The following ATXN1 variants were observed in gnomAD, a reference collection of about 807,000 sequenced individuals.
ATXN1 encodes the protein ataxin-1.
In ATXN1, 8 loss-of-function variants were observed where a neutral mutation model predicts 56.4. The observed-to-expected ratio is 0.14, with a 90% CI of 0.08 to 0.26. The LOEUF is 0.26. Ranked by LOEUF, ATXN1 falls within the 10% of genes least tolerant of loss-of-function variation. The probability of loss-of-function intolerance (pLI) is 1.00; values close to 1 mark genes in which losing one functional copy is unlikely to be tolerated. For synonymous variants in ATXN1, 514 were observed against 494.6 expected (o/e 1.04, Z -0.52); for missense variants, 987 against 1,106.5 (o/e 0.89, Z 1.53).
chr6:16,617,939 G>A (rs193105246), intron 3 of ATXN1, among the ~76,000 whole-genome samples: 57 of 151,304 alleles, frequency 3.8e-4, no homozygotes, highest in Admixed American at 3.2e-3. Flanking sequence ...GTCTAAGATC[G>A]CACATCAAAA....
intron 5 of ATXN1, among the ~76,000 whole-genome samples, chr6:16,515,618 T>C (rs1761167315): frequency 6.6e-6 from 1 of 152,182 alleles, no homozygotes. Flanking sequence ...AGTCTCCCCC[T>C]TTCTCTCTAT....
chr6:16,395,446 A>C (rs1427484104), intron 6 of ATXN1, among the ~76,000 whole-genome samples: 4 of 152,146 alleles, frequency 2.6e-5, no homozygotes, highest in Non-Finnish European at 5.9e-5. Context: ...CATATGTGAC[A>C]GCGGTCACAT....
At chr6:16,512,037 GGGTTCAATTACCA>G (rs1761092568) in intron 5 of ATXN1, among the ~76,000 whole-genome samples, 1 of 152,148 alleles carries the variant, frequency 6.6e-6, no homozygotes, top group Non-Finnish European at 1.5e-5. Flanking sequence ...ACATACTCAT[GGGTTCAATTACCA>G]GGCAGGATGC....
At chr6:16,429,956 C>T (rs2113579658) in intron 6 of ATXN1, among the ~76,000 whole-genome samples, 1 of 152,260 alleles carries the variant, frequency 6.6e-6, no homozygotes, top group Non-Finnish European at 1.5e-5. Context: ...TTTTTAAGTA[C>T]ACGTGCCTGA....
In ATXN1 at chr6:16,760,966, C is replaced by G. The variant is rs535307008; in HGVS notation, c.-730+332G>C. On this transcript the variant is annotated intron_variant, in intron 1 of 7. Coordinates refer to ENST00000436367, the MANE Select transcript of ATXN1 (RefSeq NM_001128164.2). This position sits in a 1 kb window ranked among gnomAD's most constrained non-coding sequence, Gnocchi z 5.3. ...CGCGCCCCCTAGCCCGGCGGGCGCCCACCCAGCCCCTGACAGCCCCCCCGC... is the reference window on the plus strand; with the variant it reads ...CGCGCCCCCTAGCCCGGCGGGCGCCGACCCAGCCCCTGACAGCCCCCCCGC... 6.7e-6 allele frequency among the ~76,000 whole-genome samples: 1 copy of G among 149,034 alleles called. No individual in the cohort carries two copies. Among genetic ancestry groups the G allele is most frequent in the Non-Finnish European group, 1.5e-5 (1 of 66,852 alleles).
Position 16,308,337 on chromosome 6 carries a change from C to CAG in ATXN1, c.1918-1479_1918-1478insCT, listed in dbSNP as rs1426461459. Reference sequence around the variant, plus strand: ...TGAAACTCCGTCACACACACACACACACACACACACACACACACACACACA... The same window carrying CAG: ...TGAAACTCCGTCACACACACACACACAGACACACACACACACACACACACACA... On this transcript the variant is annotated intron_variant, in intron 7 of 7. Coordinates refer to ENST00000436367, the MANE Select transcript of ATXN1 (RefSeq NM_001128164.2). Among the ~76,000 whole-genome samples, 4 of 140,096 alleles carry CAG rather than the reference C, an allele frequency of 2.9e-5. 1 individual carries two copies. The East Asian group carries it at 7.8e-4, about 27-fold the overall frequency. The allele number at this position is 140,096 out of a possible 152,430, so 91.9% of individuals were successfully genotyped here. A position where few individuals can be genotyped will look rare whatever the true frequency, so the allele number is the denominator to read the frequency against.
At chr6:16,693,395 G>A (rs1231556979) in intron 2 of ATXN1, among the ~76,000 whole-genome samples, 2 of 152,202 alleles carry the variant, frequency 1.3e-5, no homozygotes, top group Admixed American at 1.3e-4. Context: ...AGCAATGGAA[G>A]ACAAGGTATG....
At chr6:16,593,803 T>C (rs900115570) in intron 3 of ATXN1, among the ~76,000 whole-genome samples, 1 of 151,178 alleles carries the variant, frequency 6.6e-6, no homozygotes, top group East Asian at 1.9e-4. Flanking sequence ...AATATTCCAT[T>C]CTGTGAAGCA....
chr6:16,364,715 A>ATT (rs1484587930), intron 6 of ATXN1, among the ~76,000 whole-genome samples: 1 of 152,222 alleles, frequency 6.6e-6, no homozygotes, highest in Non-Finnish European at 1.5e-5. Flanking sequence ...AAAGCCATAG[A>ATT]AATAAGCCTG....
intron 2 of ATXN1, among the ~76,000 whole-genome samples, chr6:16,661,661 G>C (rs1280340945): frequency 6.6e-6 from 1 of 151,798 alleles, no homozygotes; most frequent in Non-Finnish European, 1.5e-5. Context: ...TTCCAAGACT[G>C]GGTTACATGA....
Position 16,442,649 on chromosome 6 carries a change from C to T in ATXN1, c.-161+43323G>A, listed in dbSNP as rs143732790. ...TTTCAAAATCACTCAGAGTTGGAAACCAATAAACAACAGCTAAGAAAAGTT... is the reference window on the plus strand; with the variant it reads ...TTTCAAAATCACTCAGAGTTGGAAATCAATAAACAACAGCTAAGAAAAGTT... On this transcript the variant is annotated intron_variant, in intron 6 of 7. Coordinates refer to ENST00000436367, the MANE Select transcript of ATXN1 (RefSeq NM_001128164.2). Among the ~76,000 whole-genome samples the T allele has an allele frequency of 4.7e-3, 708 of 152,192 alleles. 5 individuals carry two copies. Among genetic ancestry groups the T allele is most frequent in the African/African-American group, 0.015 (610 of 41,520 alleles).
At chr6:16,597,354 C>T (rs539351915) in intron 3 of ATXN1, among the ~76,000 whole-genome samples, 1 of 152,324 alleles carries the variant, frequency 6.6e-6, no homozygotes, top group East Asian at 1.9e-4. Flanking sequence ...CAGAAATGCC[C>T]ATCCAGGAAA....
chr6:16,428,945 A>G (rs537601629), intron 6 of ATXN1, among the ~76,000 whole-genome samples: 6 of 151,966 alleles, frequency 3.9e-5, no homozygotes, highest in Non-Finnish European at 8.8e-5. Context: ...GCTGGGTCAG[A>G]TGGAGGGAAA....
chr6:16,502,033 G>T (rs1253774622), intron 5 of ATXN1, among the ~76,000 whole-genome samples: 1 of 152,192 alleles, frequency 6.6e-6, no homozygotes, highest in African/African-American at 2.4e-5. Flanking sequence ...CTGCAAAGGA[G>T]TAAGGATTTG....
intron 2 of ATXN1, among the ~76,000 whole-genome samples, chr6:16,701,525 G>C (rs1407492667): frequency 1.3e-5 from 2 of 152,174 alleles, no homozygotes; most frequent in African/African-American, 4.8e-5. Flanking sequence ...TATTCAATTA[G>C]GAAAAGAGGA....
intron 4 of ATXN1, among the ~76,000 whole-genome samples, chr6:16,528,642 T>G (rs1761439757): frequency 1.3e-5 from 2 of 152,218 alleles, no homozygotes; most frequent in South Asian, 2.1e-4. Flanking sequence ...AGTGGCTAAT[T>G]TGTATGGACA....
intron 4 of ATXN1, among the ~76,000 whole-genome samples, chr6:16,570,505 G>C (rs1031331289): frequency 1.3e-5 from 2 of 152,044 alleles, no homozygotes. Flanking sequence ...CGTAGATTAG[G>C]GTCACAGAAA....
At chr6:16,757,355 T>G (rs958971268) in intron 1 of ATXN1, among the ~76,000 whole-genome samples, 2 of 152,248 alleles carry the variant, frequency 1.3e-5, no homozygotes, top group African/African-American at 4.8e-5. Flanking sequence ...AAAATATATG[T>G]TCACATTTTA....
chr6:16,732,292 C>T (rs1056993355), intron 2 of ATXN1, among the ~76,000 whole-genome samples: 1 of 152,048 alleles, frequency 6.6e-6, no homozygotes, highest in African/African-American at 2.4e-5. Context: ...TCACTCCGGC[C>T]GGGTGTGGTG....
Sources: gnomAD v4.1 joint callset for allele counts (sites outside exome capture counted in the v4.1 genomes callset) on GRCh38, gnomAD v4.1.1 for gene constraint, Gnocchi (gnomAD v3.1) non-coding constraint, MANE v1.5 for transcripts, NCBI Gene and HGNC (gene_info 2026-07-23, HGNC 2026-07-21) for gene names.